Variants in SLIT3 observed in about 807,000 individuals in gnomAD.
SLIT3 encodes slit guidance ligand 3.
In SLIT3, 68 loss-of-function variants were observed where a neutral mutation model predicts 184.0. The ratio of observed to expected loss-of-function variants is 0.37; its 90% CI spans 0.30 to 0.45. SLIT3 has a LOEUF of 0.45. SLIT3 is among the 20% of genes least tolerant of loss of function. The pLI, the probability that SLIT3 is intolerant of heterozygous loss-of-function variation, is 1.00. For synonymous variants in SLIT3, 831 were observed against 828.6 expected (o/e 1.00, Z -0.05); for missense variants, 1,707 against 2,026.0 (o/e 0.84, Z 3.02).
chr5:168,820,415 T>C (rs1473188849), intron 7 of SLIT3, among the ~76,000 whole-genome samples: 2 of 152,332 alleles, frequency 1.3e-5, no homozygotes, highest in Middle Eastern at 6.8e-3. Flanking sequence ...TGGGCCTCAG[T>C]GTTATCATCT....
chr5:169,120,875 G>A (rs1221719175), intron 4 of SLIT3, among the ~76,000 whole-genome samples: 2 of 152,106 alleles, frequency 1.3e-5, no homozygotes, highest in East Asian at 3.9e-4. Context: ...TAGAGGTGAT[G>A]GGTCTAATCC....
intron 3 of SLIT3, among the ~76,000 whole-genome samples, chr5:169,199,896 C>CA (rs1183958627): frequency 6.6e-6 from 1 of 152,146 alleles, no homozygotes; most frequent in East Asian, 1.9e-4. Flanking sequence ...ATCAGGCACA[C>CA]AAAGAACCTT....
intron 5 of SLIT3, among the ~76,000 whole-genome samples, chr5:168,869,186 T>C (rs978761494): frequency 3.3e-5 from 5 of 152,200 alleles, no homozygotes; most frequent in African/African-American, 1.2e-4. Context: ...AAAAAGAAAC[T>C]TGAAGTTGTT....
chr5:169,187,735 G>A (rs1763404444), intron 4 of SLIT3, among the ~76,000 whole-genome samples: 1 of 151,832 alleles, frequency 6.6e-6, no homozygotes, highest in African/African-American at 2.4e-5. Flanking sequence ...TGTATTTTTA[G>A]TAGAGACGGG....
At chr5:169,240,680 A>G (rs1765374164) in intron 3 of SLIT3, among the ~76,000 whole-genome samples, 2 of 149,556 alleles carry the variant, frequency 1.3e-5, no homozygotes, top group Admixed American at 6.7e-5. Context: ...AAATACACTG[A>G]CAATCTATGT....
intron 5 of SLIT3, among the ~76,000 whole-genome samples, chr5:168,878,026 T>C (rs142366067): frequency 1.1e-4 from 17 of 152,316 alleles, no homozygotes; most frequent in African/African-American, 4.1e-4. Context: ...TCGCTGTGCC[T>C]TTGCCCAGTA....
chr5:168,686,258 T>A (rs554899220), intron 30 of SLIT3, among the ~76,000 whole-genome samples: 1 of 152,114 alleles, frequency 6.6e-6, no homozygotes, highest in South Asian at 2.1e-4. Context: ...AATCATGGAG[T>A]TGGACTAGAG....
intron 20 of SLIT3, among the ~76,000 whole-genome samples, chr5:168,741,820 T>C (rs1001097411): frequency 1.4e-5 from 2 of 144,764 alleles, no homozygotes; most frequent in African/African-American, 5.2e-5. Context: ...AGTTATGTTA[T>C]CTTAGTCACC....
At chr5:168,686,760 C>T (rs987494186) in intron 30 of SLIT3, among the ~76,000 whole-genome samples, 1 of 152,248 alleles carries the variant, frequency 6.6e-6, no homozygotes, top group Non-Finnish European at 1.5e-5. Flanking sequence ...ACAAGTAGCT[C>T]TTCTCCCATC....
intron 4 of SLIT3, among the ~76,000 whole-genome samples, chr5:168,967,164 T>C (rs943777996): frequency 1.3e-5 from 2 of 152,070 alleles, no homozygotes; most frequent in African/African-American, 4.8e-5. Flanking sequence ...GTATATATTT[T>C]TAAAGTGAGA....
At chr5:168,845,875 C>T (rs1379831073) in intron 5 of SLIT3, among the ~76,000 whole-genome samples, 1 of 152,190 alleles carries the variant, frequency 6.6e-6, no homozygotes, top group Non-Finnish European at 1.5e-5. Context: ...TACTAAAAAA[C>T]TCCTAGACTC....
intron 4 of SLIT3, among the ~76,000 whole-genome samples, chr5:169,016,221 CA>C (rs1756370342): frequency 6.6e-6 from 1 of 152,116 alleles, no homozygotes; most frequent in Non-Finnish European, 1.5e-5. Flanking sequence ...TAAGAAAAGC[CA>C]GGCAGTCTGC....
intron 1 of SLIT3, among the ~76,000 whole-genome samples, chr5:169,288,398 A>G (rs946633668): frequency 6.6e-6 from 1 of 151,440 alleles, no homozygotes; most frequent in Non-Finnish European, 1.5e-5. Context: ...ATGATGTGGG[A>G]GGCTTTCTAC....
At chr5:169,298,454 G>C (rs1404712769) in intron 1 of SLIT3, among the ~76,000 whole-genome samples, 1 of 152,158 alleles carries the variant, frequency 6.6e-6, no homozygotes, top group Admixed American at 6.6e-5. Flanking sequence ...TACACACCAG[G>C]AGGAGAGGGA....
At chr5:168,947,843 G>C (rs538271627) in intron 4 of SLIT3, among the ~76,000 whole-genome samples, 1 of 152,230 alleles carries the variant, frequency 6.6e-6, no homozygotes, top group East Asian at 1.9e-4. Context: ...CTGGAGTGCA[G>C]TGGTACAATC....
chr5:168,845,806 G>A (rs1421496030), intron 5 of SLIT3, among the ~76,000 whole-genome samples: 1 of 152,182 alleles, frequency 6.6e-6, no homozygotes, highest in Non-Finnish European at 1.5e-5. Flanking sequence ...GTTGTACTCG[G>A]TCTGCAGAGC....
chr5:169,025,096 T>A (rs1282966086), intron 4 of SLIT3: 1 of 152,230 alleles, frequency 6.6e-6, no homozygotes, highest in Non-Finnish European at 1.5e-5. Context: ...TCATTCTCTT[T>A]CGCTAATAAG....
chr5:169,183,145 T>C (rs933881811), intron 4 of SLIT3, among the ~76,000 whole-genome samples: 1 of 152,192 alleles, frequency 6.6e-6, no homozygotes, highest in African/African-American at 2.4e-5. Context: ...ACACACACAG[T>C]AGGCGTTCAA....
At chr5:168,907,894 TC>T (rs1249500277) in intron 4 of SLIT3, among the ~76,000 whole-genome samples, 1 of 99,670 alleles carries the variant, frequency 1.0e-5, no homozygotes, top group East Asian at 4.5e-4. Context: ...ATGATATATA[TC>T]ATATATATAT....
Sources: gnomAD v4.1 joint callset for allele counts (sites outside exome capture counted in the v4.1 genomes callset) on GRCh38, gnomAD v4.1.1 for gene constraint, MANE v1.5 for transcripts, NCBI Gene and HGNC (gene_info 2026-07-23, HGNC 2026-07-21) for gene names.